CA10: variants seen among roughly 807,000 people sequenced by gnomAD.
The protein encoded by CA10 is carbonic anhydrase-related protein 10.
Under a neutral mutation model 44.2 loss-of-function variants are expected in CA10, and 14 were observed. The ratio of observed to expected loss-of-function variants is 0.32; its 90% CI spans 0.21 to 0.50. The LOEUF is 0.50. CA10 is among the 20% of genes least tolerant of loss of function. CA10 has a pLI of 0.99. For synonymous variants in CA10, 159 were observed against 141.6 expected (o/e 1.12, Z -0.87); for missense variants, 350 against 409.7 (o/e 0.85, Z 1.26).
At chr17:52,101,280 T>A (rs1402881656) in intron 1 of CA10, among the ~76,000 whole-genome samples, 1 of 152,222 alleles carries the variant, frequency 6.6e-6, no homozygotes, top group Non-Finnish European at 1.5e-5. Context: ...CATGAGCATG[T>A]ACACAATTTT....
At chr17:51,781,648 A>ACT (rs1417306179) in intron 3 of CA10, among the ~76,000 whole-genome samples, 1 of 152,104 alleles carries the variant, frequency 6.6e-6, no homozygotes, top group African/African-American at 2.4e-5. Flanking sequence ...ACACAATAGG[A>ACT]CTCAATGAAT....
At chr17:52,050,054 C>T (rs1159432785) in intron 2 of CA10, among the ~76,000 whole-genome samples, 1 of 151,994 alleles carries the variant, frequency 6.6e-6, no homozygotes. Flanking sequence ...TGTGTAAGTG[C>T]ACTCTATGGT....
intron 3 of CA10, among the ~76,000 whole-genome samples, chr17:51,814,123 C>T (rs952656402): frequency 6.6e-6 from 1 of 152,180 alleles, no homozygotes; most frequent in Admixed American, 6.5e-5. Context: ...AGACCTTAAC[C>T]TCTTGGGGCC....
At chr17:51,771,991 A>C (rs897527906) in intron 3 of CA10, among the ~76,000 whole-genome samples, 1 of 152,198 alleles carries the variant, frequency 6.6e-6, no homozygotes, top group East Asian at 1.9e-4. Flanking sequence ...CGTGCTCTGC[A>C]GAATCAGGGT....
intron 3 of CA10, among the ~76,000 whole-genome samples, chr17:51,830,195 C>CAAAAAAAAA (rs1220410518): frequency 1.2e-4 from 11 of 89,968 alleles, no homozygotes; most frequent in African/African-American, 2.4e-4. Context: ...GACTCCATCT[C>CAAAAAAAAA]AAAAAAAAAA....
intron 3 of CA10, among the ~76,000 whole-genome samples, chr17:51,894,735 T>C (rs762925465): frequency 3.3e-5 from 5 of 152,152 alleles, no homozygotes; most frequent in Non-Finnish European, 5.9e-5. Context: ...ATTTGTGTTG[T>C]TTGTAGTCAC....
chr17:51,791,662 T>C (rs1420459953), intron 3 of CA10, among the ~76,000 whole-genome samples: 4 of 152,224 alleles, frequency 2.6e-5, no homozygotes, highest in African/African-American at 7.2e-5. Context: ...TGGGGCATCA[T>C]GTTCACTGTG....
chr17:51,994,550 G>A (rs1469884689), intron 2 of CA10, among the ~76,000 whole-genome samples: 1 of 151,904 alleles, frequency 6.6e-6, no homozygotes, highest in Non-Finnish European at 1.5e-5. Flanking sequence ...AGGCTACCTT[G>A]GTGAATTTAC....
intron 1 of CA10, among the ~76,000 whole-genome samples, chr17:52,129,824 T>A (rs749673053): frequency 6.6e-6 from 1 of 152,172 alleles, no homozygotes; most frequent in Non-Finnish European, 1.5e-5. Flanking sequence ...GAACAAGATT[T>A]GTTGACAATT....
chr17:51,969,811 C>T (rs973906022), intron 2 of CA10, among the ~76,000 whole-genome samples: 1 of 151,804 alleles, frequency 6.6e-6, no homozygotes, highest in Non-Finnish European at 1.5e-5. Flanking sequence ...AAAGTCCACT[C>T]CAGGCAGAGG....
intron 2 of CA10, among the ~76,000 whole-genome samples, chr17:51,977,319 C>T (rs142510698): frequency 2.0e-5 from 3 of 151,738 alleles, no homozygotes; most frequent in Admixed American, 2.0e-4. Context: ...CCCAATAACA[C>T]ATTTTTTTAA....
chr17:51,864,792 C>CA (rs974289851), intron 3 of CA10, among the ~76,000 whole-genome samples: 3 of 152,292 alleles, frequency 2.0e-5, no homozygotes, highest in African/African-American at 7.2e-5. Context: ...AATCAATAAA[C>CA]AACATGCAGG....
At chr17:51,900,216 AG>A (rs1260944134) in intron 3 of CA10, among the ~76,000 whole-genome samples, 1 of 152,154 alleles carries the variant, frequency 6.6e-6, no homozygotes, top group African/African-American at 2.4e-5. Context: ...CTTATAAGGC[AG>A]GTCTGGAAGT....
At chr17:51,984,968 C>G (rs2144093634) in intron 2 of CA10, among the ~76,000 whole-genome samples, 1 of 152,022 alleles carries the variant, frequency 6.6e-6, no homozygotes, top group Middle Eastern at 3.4e-3. Flanking sequence ...CCTTCTGACA[C>G]TATTCTACAA....
chr17:51,985,753 C>T (rs1300205835), intron 2 of CA10, among the ~76,000 whole-genome samples: 1 of 151,906 alleles, frequency 6.6e-6, no homozygotes, highest in Non-Finnish European at 1.5e-5. Context: ...ACCCCTTTTA[C>T]AATAGCTATA....
intron 4 of CA10, among the ~76,000 whole-genome samples, chr17:51,691,197 A>T (rs749550793): frequency 7.9e-5 from 12 of 152,170 alleles, no homozygotes; most frequent in Non-Finnish European, 1.6e-4. Flanking sequence ...ACAGTGTTTC[A>T]GGGTTCCCTT....
At chr17:51,745,010 C>T (rs1355942886) in intron 4 of CA10, among the ~76,000 whole-genome samples, 2 of 152,138 alleles carry the variant, frequency 1.3e-5, no homozygotes, top group African/African-American at 4.8e-5. Flanking sequence ...TAGATTATAC[C>T]TATGCTGAGG....
At chr17:52,034,249 G>T (rs1986552305) in intron 2 of CA10, among the ~76,000 whole-genome samples, 1 of 152,132 alleles carries the variant, frequency 6.6e-6, no homozygotes, top group African/African-American at 2.4e-5. Context: ...ACTTCTGGAG[G>T]TGATAGGTTT....
chr17:52,065,548 A>C (rs528852744), intron 2 of CA10, among the ~76,000 whole-genome samples: 26 of 152,126 alleles, frequency 1.7e-4, no homozygotes, highest in Non-Finnish European at 2.8e-4. Context: ...AACCATCCCT[A>C]GGCCCCTCAC....
Sources: allele counts gnomAD v4.1 joint callset (sites outside exome capture counted in the v4.1 genomes callset), GRCh38; gene constraint gnomAD v4.1.1; transcripts MANE v1.5; gene names NCBI Gene and HGNC (gene_info 2026-07-23, HGNC 2026-07-21).